AOX1: variants seen among roughly 807,000 people sequenced by gnomAD.
AOX1 encodes the protein aldehyde oxidase.
In AOX1, 153 loss-of-function variants were observed where a neutral mutation model predicts 169.5. That is an observed-to-expected ratio of 0.90 (90% CI 0.79 to 1.03). AOX1 has a LOEUF of 1.03. Ranked by LOEUF, AOX1 falls within the 50% of genes least tolerant of loss-of-function variation. The probability of loss-of-function intolerance (pLI) is 0.00; values close to 1 mark genes in which losing one functional copy is unlikely to be tolerated. For synonymous variants in AOX1, 562 were observed against 581.9 expected (o/e 0.97, Z 0.49); for missense variants, 1,656 against 1,663.9 (o/e 1.00, Z 0.08).
intron 12 of AOX1, 133 bp downstream of exon 12, chr2:200,609,547 A>G (rs1193885151): frequency 1.4e-6 from 1 of 731,724 alleles, no homozygotes; most frequent in Non-Finnish European, 2.3e-6. Context: ...TTTTCTGGAT[A>G]CTGGAAATTT....
intron 20 of AOX1, among the ~76,000 whole-genome samples, chr2:200,633,453 A>T (rs1353300396): frequency 6.6e-6 from 1 of 151,996 alleles, no homozygotes; most frequent in African/African-American, 2.4e-5. Flanking sequence ...TTGTACATTA[A>T]TCATTTCCTC....
intron 9 of AOX1, among the ~76,000 whole-genome samples, 158 bp from the exon 10 acceptor site, chr2:200,605,378 A>G (rs949847570): frequency 1.3e-5 from 2 of 152,176 alleles, no homozygotes; most frequent in Non-Finnish European, 2.9e-5. Flanking sequence ...CTATCCAGCC[A>G]TTCTCTCTGT....
At chr2:200,676,065 G>T (rs1052274047), downstream of AOX1, among the ~76,000 whole-genome samples, 1 of 151,926 alleles carries the variant, frequency 6.6e-6, no homozygotes, top group East Asian at 1.9e-4. Flanking sequence ...CTGTACAGAC[G>T]CACAGGAATC....
At chr2:200,632,973 T>C (rs2035157923) in intron 20 of AOX1, among the ~76,000 whole-genome samples, 2 of 151,646 alleles carry the variant, frequency 1.3e-5, no homozygotes, top group Admixed American at 6.6e-5. Flanking sequence ...ATCAGCTCAC[T>C]GCAACCTCTG....
At chr2:200,675,486 A>G (rs919519239), downstream of AOX1, among the ~76,000 whole-genome samples, 1 of 152,192 alleles carries the variant, frequency 6.6e-6, no homozygotes, top group Non-Finnish European at 1.5e-5. Context: ...GGCTGTGTAC[A>G]TGATTTGTTA....
At position 200,629,011 on chromosome 2, in the gene AOX1, G is replaced by A. The variant is rs544272624; in HGVS notation, c.2221+1562G>A. 2.6e-5 allele frequency among the ~76,000 whole-genome samples: 4 copies of A among 152,286 alleles called. No individual in the cohort carries two copies. The South Asian group carries it at 8.3e-4, about 32-fold the overall frequency. ...CCAACCTTGATCACAAGAATAGGAAGAGTCCTAAGACACATCCCATCCTGA... is the reference window on the plus strand; with the variant it reads ...CCAACCTTGATCACAAGAATAGGAAAAGTCCTAAGACACATCCCATCCTGA... On this transcript the variant is annotated intron_variant, in intron 20 of 34. Coordinates refer to ENST00000374700, the MANE Select transcript of AOX1 (RefSeq NM_001159.4).
intron 14 of AOX1, 83 bp from the exon 15 acceptor site, chr2:200,613,720 TA>T: frequency 7.5e-7 from 1 of 1,336,186 alleles, no homozygotes; most frequent in African/African-American, 1.5e-5. Flanking sequence ...TGTATTAAAC[TA>T]TGGCTATTTG....
At chr2:200,641,318 G>A (rs2035348248) in intron 24 of AOX1, 134 bp downstream of exon 24, 5 of 595,158 alleles carry the variant, frequency 8.4e-6, no homozygotes, top group East Asian at 3.0e-5. Context: ...GGATAGCCAT[G>A]TGTTACTTCC....
chr2:200,599,861 C>A, intron 5 of AOX1, 115 bp downstream of exon 5: 1 of 793,846 alleles, frequency 1.3e-6, no homozygotes, highest in Non-Finnish European at 1.7e-6. Context: ...CTTGGCCCCA[C>A]TGTAACCTCC....
At chr2:200,627,152 G>A (rs1273578144) in intron 19 of AOX1, among the ~76,000 whole-genome samples, 1 of 152,176 alleles carries the variant, frequency 6.6e-6, no homozygotes, top group Admixed American at 6.5e-5. Context: ...GACTCAGTAG[G>A]CACATTTACA....
At chr2:200,659,332 C>G (rs1203270796) in intron 28 of AOX1, 39 bp downstream of exon 28, 2 of 1,595,576 alleles carry the variant, frequency 1.3e-6, no homozygotes, top group Admixed American at 3.4e-5. Context: ...CATTAACTCC[C>G]TCAGGGCCAA....
chr2:200,637,910 G>A (rs777799794), intron 22 of AOX1, among the ~76,000 whole-genome samples: 9 of 152,248 alleles, frequency 5.9e-5, no homozygotes, highest in Non-Finnish European at 1.3e-4. Flanking sequence ...AAGACCTTGG[G>A]ACGATTTGCC....
chr2:200,649,124 T>C (rs2035527003), intron 25 of AOX1, among the ~76,000 whole-genome samples: 1 of 152,094 alleles, frequency 6.6e-6, no homozygotes, highest in South Asian at 2.1e-4. Context: ...CCCATTCAAA[T>C]TGTTACAAAG....
chr2:200,628,170 C>T (rs2035044340), intron 20 of AOX1, among the ~76,000 whole-genome samples: 1 of 151,918 alleles, frequency 6.6e-6, no homozygotes. Flanking sequence ...ACTCAGATTC[C>T]CCAATTATAC....
chr2:200,656,837 C>T lies in AOX1; in HGVS notation c.3076-5C>T, dbSNP rs1462932332. 1 of 1,546,784 alleles carries T rather than the reference C, an allele frequency of 6.5e-7. No homozygotes were observed. The highest frequency in any genetic ancestry group is 1.4e-5 in the African/African-American group (1 of 72,082). On this transcript the variant is annotated splice_polypyrimidine_tract_variant and splice_region_variant and intron_variant, in intron 26 of 34. Coordinates refer to ENST00000374700, the MANE Select transcript of AOX1 (RefSeq NM_001159.4). The stretch of plus-strand genomic sequence containing the variant: ...ACAGAAACAGTTTTCGTCTTTTCTG[C>T]TCAGGCTGCTGCCTTGGTTCACATT...
Position 200,642,740 on chromosome 2 carries a change from C to T in AOX1, c.2786C>T (p.Ala929Val), listed in dbSNP as rs746986816. The change falls in exon 25 of 35, where the codon GCG (alanine) becomes GTG (valine). Residue 929 changes from alanine to valine, a missense_variant. Physicochemically the swap from Ala to Val is moderately conservative, Grantham distance 64 (BLOSUM62 0). Coordinates refer to ENST00000374700, the MANE Select transcript of AOX1 (RefSeq NM_001159.4). ...AFRGFGFPQA[A>V]LITESCITEV... is the part of the protein sequence containing the mutation. ...CGTGGGTTTGGCTTTCCTCAGGCAG[C>T]GCTGATCACCGAATCTTGTATCACG... 13 of 1,614,032 alleles carry T rather than the reference C, an allele frequency of 8.1e-6. No homozygotes were observed. Among genetic ancestry groups the T allele is most frequent in the Admixed American group, 6.7e-5 (4 of 60,014 alleles).
intron 25 of AOX1, among the ~76,000 whole-genome samples, chr2:200,643,602 C>T (rs1429798107): frequency 6.6e-6 from 1 of 152,068 alleles, no homozygotes; most frequent in Non-Finnish European, 1.5e-5. Flanking sequence ...TCAAATGGTA[C>T]TTCTACTTTT....
At chr2:200,621,899 C>G (rs2034894156) in intron 18 of AOX1, among the ~76,000 whole-genome samples, 1 of 152,098 alleles carries the variant, frequency 6.6e-6, no homozygotes, top group African/African-American at 2.4e-5. Flanking sequence ...ATTACAGGCA[C>G]AAATCACCAT....
At chr2:200,621,332 C>A in intron 18 of AOX1, 86 bp downstream of exon 18, 1 of 1,444,678 alleles carries the variant, frequency 6.9e-7, no homozygotes, top group Non-Finnish European at 9.4e-7. Context: ...TCTACTTTGG[C>A]ACACCATGAA....
Sources: gnomAD v4.1 joint callset for allele counts (sites outside exome capture counted in the v4.1 genomes callset) on GRCh38, gnomAD v4.1.1 for gene constraint, MANE v1.5 for transcripts, NCBI Gene and HGNC (gene_info 2026-07-23, HGNC 2026-07-21) for gene names.